Variants in ANK3 observed in about 807,000 individuals in gnomAD.
ANK3 encodes ankyrin-3.
A neutral mutation model predicts 370.9 loss-of-function variants in ANK3; 57 were observed. The ratio of observed to expected loss-of-function variants is 0.15; its 90% confidence interval spans 0.12 to 0.19. The LOEUF is 0.19. Ranked by LOEUF, ANK3 falls within the 10% of genes least tolerant of loss-of-function variation. The pLI is 1.00. For synonymous variants in ANK3, 1,929 were observed against 1,946.3 expected (o/e 0.99, Z 0.23); for missense variants, 4,439 against 5,302.1 (o/e 0.84, Z 5.06).
At chr10:60,501,131 A>G (rs191052317) in intron 2 of ANK3, among the ~76,000 whole-genome samples, 128 of 152,304 alleles carry the variant, frequency 8.4e-4, no homozygotes, top group African/African-American at 3.0e-3. Flanking sequence ...ATTCTCTGCA[A>G]GCCCAAATCA....
At chr10:60,272,835 A>G (rs2098020941) in intron 4 of ANK3, among the ~76,000 whole-genome samples, 1 of 151,908 alleles carries the variant, frequency 6.6e-6, no homozygotes, top group Admixed American at 6.6e-5. Context: ...TCAACAAGAT[A>G]TTTATGTCAA....
At chr10:60,589,984 C>A in intron 2 of ANK3, among the ~76,000 whole-genome samples, 1 of 152,172 alleles carries the variant, frequency 6.6e-6, no homozygotes, top group East Asian at 1.9e-4. Flanking sequence ...AGTCTTCAAG[C>A]CACAAATTCT....
chr10:60,062,417 A>G (rs553840553), intron 40 of ANK3: 14 of 152,364 alleles, frequency 9.2e-5, no homozygotes, highest in Admixed American at 3.3e-4. Flanking sequence ...AAAAAATGAC[A>G]AGATCATTAT....
chr10:60,268,751 G>A (rs191074263), intron 5 of ANK3, among the ~76,000 whole-genome samples: 26 of 152,122 alleles, frequency 1.7e-4, no homozygotes, highest in Non-Finnish European at 3.7e-4. Context: ...TAAAAGTGTT[G>A]TAACCAACAA....
At chr10:60,225,042 T>C (rs1427311021) in intron 8 of ANK3, among the ~76,000 whole-genome samples, 1 of 152,028 alleles carries the variant, frequency 6.6e-6, no homozygotes, top group African/African-American at 2.4e-5. Context: ...GCCTCCCAAG[T>C]AGCTGGGATT....
chr10:60,342,633 C>G (rs182652398), intron 1 of ANK3, among the ~76,000 whole-genome samples: 2 of 152,058 alleles, frequency 1.3e-5, no homozygotes, highest in Non-Finnish European at 2.9e-5. Flanking sequence ...TTTCTTGGGT[C>G]GAAGTCAGGG....
At chr10:60,721,580 T>A (rs1016320942) in intron 1 of ANK3, among the ~76,000 whole-genome samples, 3 of 152,170 alleles carry the variant, frequency 2.0e-5, no homozygotes, top group Non-Finnish European at 2.9e-5. Context: ...AAAACAAAGA[T>A]TGGATTCAAT....
intron 23 of ANK3, among the ~76,000 whole-genome samples, chr10:60,158,873 A>G (rs1451195281): frequency 1.3e-5 from 2 of 151,842 alleles, no homozygotes; most frequent in African/African-American, 2.4e-5. Flanking sequence ...ATGGGGTTTC[A>G]CCATGTTGCC....
In ANK3 at chr10:60,075,114, C is replaced by T. The variant is rs1388748008; in HGVS notation, c.5767G>A (p.Val1923Met). 1.9e-6 allele frequency: 3 copies of T among 1,614,128 alleles called. No homozygotes were observed. Among genetic ancestry groups the T allele is most frequent in the Non-Finnish European group, 2.5e-6 (3 of 1,180,008 alleles). Residue 1923 changes from valine to methionine, a missense_variant, in exon 37 of 44, where the codon GTG becomes ATG. Transcript: ENST00000280772. ...GGTTGGAATGGCTTCTCCTCAGGCACATCTGTCTGTAGTATTGCGGTCATC... is the reference window on the plus strand; with the variant it reads ...GGTTGGAATGGCTTCTCCTCAGGCATATCTGTCTGTAGTATTGCGGTCATC... ...MRMTAILQTD[V>M]PEEKPFQPEL...
At chr10:60,376,947 C>T (rs2060866287) in intron 1 of ANK3, among the ~76,000 whole-genome samples, 1 of 152,132 alleles carries the variant, frequency 6.6e-6, no homozygotes, top group African/African-American at 2.4e-5. Context: ...AAGAATGGCT[C>T]CAGCTGAAGA....
intron 2 of ANK3, among the ~76,000 whole-genome samples, chr10:60,531,494 CTCTA>C (rs1233256520): frequency 2.6e-5 from 4 of 152,130 alleles, no homozygotes; most frequent in South Asian, 4.2e-4. Context: ...AGAAAATTTA[CTCTA>C]TGTCTGTTTA....
intron 2 of ANK3, among the ~76,000 whole-genome samples, chr10:60,444,768 A>G (rs549683874): frequency 1.6e-4 from 24 of 151,072 alleles, no homozygotes; most frequent in African/African-American, 5.9e-4. Flanking sequence ...TTTAATGTAC[A>G]GTTTTGAATT....
At chr10:60,357,714 T>C (rs2057983428) in intron 1 of ANK3, among the ~76,000 whole-genome samples, 1 of 152,204 alleles carries the variant, frequency 6.6e-6, no homozygotes, top group Non-Finnish European at 1.5e-5. Context: ...AATTATTTCA[T>C]ACCTAATCTT....
chr10:60,514,993 C>T (rs779188999), intron 2 of ANK3, among the ~76,000 whole-genome samples: 1 of 151,924 alleles, frequency 6.6e-6, no homozygotes, highest in South Asian at 2.1e-4. Context: ...AAAAAATATA[C>T]TATTGCCAAA....
chr10:60,352,677 T>C (rs2057072814), intron 1 of ANK3, among the ~76,000 whole-genome samples: 1 of 152,318 alleles, frequency 6.6e-6, no homozygotes, highest in South Asian at 2.1e-4. Flanking sequence ...TTCCAACACA[T>C]GTTTCTCCTC....
chr10:60,657,841 T>C (rs1167595998), intron 1 of ANK3, among the ~76,000 whole-genome samples: 1 of 151,938 alleles, frequency 6.6e-6, no homozygotes, highest in Non-Finnish European at 1.5e-5. Context: ...ATTATATGAT[T>C]ATATCTATTT....
At chr10:60,353,380 A>G (rs905584257) in intron 1 of ANK3, among the ~76,000 whole-genome samples, 1 of 152,028 alleles carries the variant, frequency 6.6e-6, no homozygotes, top group Non-Finnish European at 1.5e-5. Flanking sequence ...CATGAATAGA[A>G]TATCTTTTCA....
chr10:60,075,218 T>C lies in ANK3; in HGVS notation c.5663A>G (p.Lys1888Arg). 5 of 1,614,134 alleles carry C rather than the reference T, an allele frequency of 3.1e-6. No homozygotes were observed. Among genetic ancestry groups the C allele is most frequent in the Non-Finnish European group, 4.2e-6 (5 of 1,180,008 alleles). ...SSLFLAPSAL[K>R]LSTPSSLSSS... The stretch of plus-strand genomic sequence containing the variant: ...AGATAAAGAAGATGGTGTAGACAAC[T>C]TAAGGGCAGAGGGTGCAAGGAACAA... The change falls in exon 37 of 44, where the codon AAG (lysine) becomes AGG (arginine). Residue 1888 changes from lysine (K) to arginine (R), a missense_variant. Coordinates refer to ENST00000280772, the MANE Select transcript of ANK3 (RefSeq NM_020987.5).
At chr10:60,595,521 G>A (rs1397042033) in intron 2 of ANK3, among the ~76,000 whole-genome samples, 1 of 152,120 alleles carries the variant, frequency 6.6e-6, no homozygotes, top group Non-Finnish European at 1.5e-5. Flanking sequence ...TCTGAAAAAT[G>A]CCTCGAACAC....
Sources: allele counts gnomAD v4.1 joint callset (sites outside exome capture counted in the v4.1 genomes callset), GRCh38; gene constraint gnomAD v4.1.1; transcripts MANE v1.5; gene names NCBI Gene and HGNC (gene_info 2026-07-23, HGNC 2026-07-21).